The following TMF1 variants were observed in gnomAD, a reference collection of about 807,000 sequenced individuals.
TMF1 encodes the protein TATA element modulatory factor 1, also known as TATA element modulatory factor.
TMF1 carries 71 observed loss-of-function variants against 126.5 expected under a neutral mutation model. That is an observed-to-expected ratio of 0.56 (90% CI 0.46 to 0.68). The LOEUF is 0.68. TMF1 is among the 30% of genes least tolerant of loss of function. The probability of loss-of-function intolerance (pLI) is 0.00; values close to 1 mark genes in which losing one functional copy is unlikely to be tolerated. For synonymous variants in TMF1, 461 were observed against 430.5 expected, an observed-to-expected ratio of 1.07 and a Z score of -0.88; for missense variants, 1,259 against 1,253.2, an observed-to-expected ratio of 1.00 and a Z score of -0.07.
intron 5 of TMF1, 95 bp from the exon 6 acceptor site, chr3:69,039,788 T>G: frequency 7.3e-7 from 1 of 1,367,198 alleles, no homozygotes. Context: ...AAGAACAGAA[T>G]TTTTTTAAAT....
rs1227375102 is a variant in TMF1 at position 69,022,262 on chromosome 3, ACATT to A, written c.*911_*914del. ...TGTTATGAATATTCTGTAATATCAA[ACATT>A]CATTTTTAATGTGCTAAAAATATGG... On this transcript the variant is annotated 3_prime_UTR_variant, in exon 17 of 17. Transcript: ENST00000398559. 8.5e-5 allele frequency: 13 copies of A among 152,420 alleles called. No homozygotes were observed. The highest frequency in any genetic ancestry group is 3.1e-4 in the African/African-American group (13 of 41,602). 9.4% of individuals were successfully genotyped at this position (152,420 alleles called of 1,614,324 possible).
chr3:69,040,063 T>G lies in TMF1; in HGVS notation c.1685-370A>C, dbSNP rs139325211. Among the ~76,000 whole-genome samples the G allele has an allele frequency of 1.8e-4, 28 of 152,344 alleles. No individual in the cohort carries two copies. The East Asian group carries it at 3.9e-3, about 21-fold the overall frequency. On this transcript the variant is annotated intron_variant, in intron 5 of 16. Coordinates refer to ENST00000398559, the MANE Select transcript of TMF1 (RefSeq NM_007114.3). ...ATAGTTGTTCAATATCACCCAGATA[T>G]TTCCTACTAGAAATATGAACTAAAT... is the stretch of plus-strand genomic sequence containing the variant.
At chr3:69,026,409 T>C (rs2091767415) in intron 13 of TMF1, among the ~76,000 whole-genome samples, 1 of 152,062 alleles carries the variant, frequency 6.6e-6, no homozygotes, top group Non-Finnish European at 1.5e-5. Context: ...CCAACTTGAC[T>C]AACATGGAAA....
At position 69,048,021 on chromosome 3, in the gene TMF1, T is replaced by C; in HGVS notation, c.684A>G (p.Glu228=). 6.2e-7 allele frequency: 1 copy of C among 1,614,014 alleles called. No individual in the cohort carries two copies. The highest frequency in any genetic ancestry group is 8.5e-7 in the Non-Finnish European group (1 of 1,180,018). ...TGTCTTCATGTTTTTGTTCCTTAGGTTCCAAAGCTATGTCCTTTGTTTCTG... is the reference window on the plus strand; with the variant it reads ...TGTCTTCATGTTTTTGTTCCTTAGGCTCCAAAGCTATGTCCTTTGTTTCTG... ...LTAETKDIAL[E]PKEQKHEDRQ... The change falls in exon 2 of 17, where the codon GAA becomes GAG. Residue 228 remains glutamate, a synonymous_variant. Transcript: ENST00000398559.
chr3:69,023,062 ACT>A lies in TMF1; in HGVS notation c.*113_*114del, dbSNP rs2107451885. On this transcript the variant is annotated 3_prime_UTR_variant, in exon 17 of 17. Coordinates refer to ENST00000398559, the MANE Select transcript of TMF1 (RefSeq NM_007114.3). ...AAAACAATTTTAAAAAAATTTTTAC[ACT>A]CTACAGTAAATCCCACTTTCTAATT... is the stretch of plus-strand genomic sequence containing the variant. 2 of 967,834 alleles carry A rather than the reference ACT, an allele frequency of 2.1e-6. No homozygotes were observed. Among genetic ancestry groups the A allele is most frequent in the South Asian group, 4.5e-5 (2 of 44,412 alleles). The allele number at this position is 967,834 out of a possible 1,614,324, so 60.0% of individuals were successfully genotyped here.
Position 69,048,088 on chromosome 3 carries a change from G to C in TMF1, c.617C>G (p.Thr206Ser). 1 of 1,614,136 alleles carries C rather than the reference G, an allele frequency of 6.2e-7. No individual in the cohort carries two copies. Reference sequence around the variant, plus strand: ...AGACGTATTAGATATACTTTCCATAGTTGTTTTCACATCAATTACACTTTC... The same window carrying C: ...AGACGTATTAGATATACTTTCCATACTTGTTTTCACATCAATTACACTTTC... ...VSESVIDVKTTMESISNTSTQ... is the reference protein window; with the variant it reads ...VSESVIDVKTSMESISNTSTQ... The change falls in exon 2 of 17, where the codon ACT (threonine) becomes AGT (serine). Residue 206 changes from threonine (T) to serine (S), a missense_variant. Transcript: ENST00000398559.
Position 69,048,384 on chromosome 3 carries a change from C to G in TMF1, c.321G>C (p.Gln107His), listed in dbSNP as rs759788017. The change falls in exon 2 of 17, where the codon CAG (glutamine) becomes CAC (histidine). Residue 107 changes from glutamine (Q) to histidine (H), a missense_variant. Transcript: ENST00000398559. The stretch of plus-strand genomic sequence containing the variant: ...ATACCACTGGACTCTTCTGAATGGT[C>G]TGGACATCAGTTGGCGAGAGAAAGG... ...FSAFLSPTDV[Q>H]TIQKSPVVSK... 1.2e-6 allele frequency: 2 copies of G among 1,614,134 alleles called. No individual in the cohort carries two copies. The highest frequency in any genetic ancestry group is 1.3e-5 in the African/African-American group (1 of 75,012).
chr3:69,044,041 C>A (rs1342473972), intron 3 of TMF1, among the ~76,000 whole-genome samples, 165 bp from the exon 4 acceptor site: 1 of 152,064 alleles, frequency 6.6e-6, no homozygotes, highest in African/African-American at 2.4e-5. Flanking sequence ...GGAAATTTCC[C>A]TTGTTAAATT....
chr3:69,045,716 T>A (rs2091891995), intron 2 of TMF1, among the ~76,000 whole-genome samples: 1 of 151,806 alleles, frequency 6.6e-6, no homozygotes, highest in Admixed American at 6.6e-5. Context: ...GGAGGCAGAC[T>A]AGCCTGGGCA....
chr3:69,037,207 C>A (rs1424283529), intron 8 of TMF1, among the ~76,000 whole-genome samples: 4 of 152,176 alleles, frequency 2.6e-5, no homozygotes, highest in African/African-American at 9.7e-5. Context: ...TAAGAGAATG[C>A]AAATCAGCCG....
chr3:69,029,048 T>TA (rs201931170), intron 11 of TMF1, among the ~76,000 whole-genome samples: 1,597 of 151,978 alleles, frequency 0.011, 53 homozygotes, highest in East Asian at 0.089. Context: ...ATTTATTTTT[T>TA]TTTTTTTGGA....
intron 13 of TMF1, among the ~76,000 whole-genome samples, chr3:69,026,767 T>TA (rs201384518): frequency 0.012 from 1,801 of 152,320 alleles, 32 homozygotes; most frequent in African/African-American, 0.041. Flanking sequence ...TTAAGCTTCA[T>TA]ATTATACAAT....
intron 4 of TMF1, among the ~76,000 whole-genome samples, 179 bp from the exon 5 acceptor site, chr3:69,043,091 G>T (rs1315851481): frequency 6.6e-6 from 1 of 152,080 alleles, no homozygotes; most frequent in African/African-American, 2.4e-5. Context: ...CTTTGAAAAT[G>T]ATATTCAAAA....
chr3:69,043,664 T>C (rs1009617572), intron 4 of TMF1, 86 bp downstream of exon 4: 1 of 1,275,488 alleles, frequency 7.8e-7, no homozygotes, highest in East Asian at 2.5e-5. Context: ...CTTCTCTTTT[T>C]TCCAATATCA....
chr3:69,041,752 T>C (rs1192363794), intron 5 of TMF1, among the ~76,000 whole-genome samples: 3 of 152,092 alleles, frequency 2.0e-5, no homozygotes, highest in African/African-American at 7.2e-5. Flanking sequence ...ACATTAAAAC[T>C]AGAAAAAATT....
chr3:69,042,992 G>A, intron 4 of TMF1, 80 bp from the exon 5 acceptor site: 1 of 992,992 alleles, frequency 1.0e-6, no homozygotes, highest in African/African-American at 1.6e-5. Context: ...CCCATCCAAA[G>A]AAGCTGTCCA....
intron 10 of TMF1, among the ~76,000 whole-genome samples, chr3:69,031,950 A>G (rs2091805664): frequency 6.6e-6 from 1 of 152,242 alleles, no homozygotes; most frequent in South Asian, 2.1e-4. Context: ...CAGATGTCTC[A>G]TATTTCACAG....
At position 69,022,486 on chromosome 3, in the gene TMF1, G is replaced by C. The variant is rs942572992; in HGVS notation, c.*691C>G. Reference sequence around the variant, plus strand: ...ATCTAGATAACATTGAATATGTACAGGTTTCTCTGGATAGGTACCAAAAGG... The same window carrying C: ...ATCTAGATAACATTGAATATGTACACGTTTCTCTGGATAGGTACCAAAAGG... On this transcript the variant is annotated 3_prime_UTR_variant, in exon 17 of 17. Transcript: ENST00000398559. 2 of 152,484 alleles carry C rather than the reference G, an allele frequency of 1.3e-5. No homozygotes were observed. Among genetic ancestry groups the C allele is most frequent in the Non-Finnish European group, 2.9e-5 (2 of 67,976 alleles). The allele number at this position is 152,484 out of a possible 1,614,324, so 9.4% of individuals were successfully genotyped here.
At chr3:69,027,261 G>T (rs1008413829) in intron 13 of TMF1, among the ~76,000 whole-genome samples, 3 of 152,128 alleles carry the variant, frequency 2.0e-5, no homozygotes, top group African/African-American at 7.2e-5. Flanking sequence ...CTCTCAAAGT[G>T]CTGGGATTAC....
Sources: allele counts gnomAD v4.1 joint callset (sites outside exome capture counted in the v4.1 genomes callset), GRCh38; gene constraint gnomAD v4.1.1; transcripts MANE v1.5; gene names NCBI Gene and HGNC (gene_info 2026-07-23, HGNC 2026-07-21).